Variants in SNX24 observed in about 807,000 individuals in gnomAD.
SNX24 encodes the protein sorting nexin 24.
SNX24 carries 22 observed loss-of-function variants against 28.7 expected under a neutral mutation model. The ratio of observed to expected loss-of-function variants is 0.77; its 90% CI spans 0.55 to 1.10. The LOEUF (loss-of-function observed/expected upper bound fraction) is 1.10, where lower values mean the gene tolerates loss of function less well. Among genes scored for constraint, SNX24 ranks in the 50% least tolerant of loss-of-function variants. The pLI is 0.00. For missense variants in SNX24, 221 were observed against 201.1 expected (o/e 1.10, Z -0.60); for synonymous variants, 69 against 71.5 (o/e 0.96, Z 0.18).
intron 1 of SNX24, among the ~76,000 whole-genome samples, chr5:122,920,191 G>C (rs1758372574): frequency 6.6e-6 from 1 of 152,190 alleles, no homozygotes; most frequent in African/African-American, 2.4e-5. Flanking sequence ...TGAGCAGAGG[G>C]CATGTGGTGA....
At chr5:122,878,969 T>A (rs544278692) in intron 1 of SNX24, among the ~76,000 whole-genome samples, 48 of 150,864 alleles carry the variant, frequency 3.2e-4, no homozygotes, top group Middle Eastern at 3.4e-3. Flanking sequence ...AAAAAAAAAT[T>A]AAAAATTAAA....
chr5:122,935,222 A>G (rs1554074046), intron 1 of SNX24, among the ~76,000 whole-genome samples: 1 of 152,174 alleles, frequency 6.6e-6, no homozygotes, highest in Non-Finnish European at 1.5e-5. Context: ...GACTGATAGT[A>G]AAAAAGGGGC....
intron 2 of SNX24, among the ~76,000 whole-genome samples, chr5:122,938,454 A>G (rs1479759879): frequency 6.6e-6 from 1 of 152,232 alleles, no homozygotes; most frequent in Non-Finnish European, 1.5e-5. Context: ...AATTTTGAAT[A>G]TTGTTGGCAG....
At chr5:123,018,114 C>T (rs1023458751) in intron 5 of SNX24, among the ~76,000 whole-genome samples, 9 of 151,818 alleles carry the variant, frequency 5.9e-5, no homozygotes, top group African/African-American at 2.2e-4. Flanking sequence ...GATGGCTTCC[C>T]AAAAGAGCCC....
At chr5:122,855,061 AT>A (rs1394441801) in intron 1 of SNX24, among the ~76,000 whole-genome samples, 4 of 151,044 alleles carry the variant, frequency 2.6e-5, no homozygotes, top group African/African-American at 4.9e-5. Context: ...GGCTGTGCCA[AT>A]TTCTTTTCCT....
intron 3 of SNX24, among the ~76,000 whole-genome samples, chr5:122,995,560 C>G (rs187416804): frequency 4.3e-4 from 65 of 152,290 alleles, no homozygotes; most frequent in African/African-American, 1.5e-3. Context: ...ACACTTCTTG[C>G]AGACCTACAA....
chr5:122,872,578 T>C (rs1756031830), intron 1 of SNX24, among the ~76,000 whole-genome samples: 1 of 152,192 alleles, frequency 6.6e-6, no homozygotes, highest in African/African-American at 2.4e-5. Flanking sequence ...TATTTGCATA[T>C]AAACTATGCA....
At position 122,909,361 on chromosome 5, in the gene SNX24, A is replaced by G. The variant is rs377244816; in HGVS notation, c.61-27373A>G. On this transcript the variant is annotated intron_variant, in intron 1 of 6. Coordinates refer to ENST00000261369, the MANE Select transcript of SNX24 (RefSeq NM_014035.4). ...AATGTTAACTTAAGTCCTCACGGAGAAAGTGTTACTGTCTTTATTTAACAG... is the reference window on the plus strand; with the variant it reads ...AATGTTAACTTAAGTCCTCACGGAGGAAGTGTTACTGTCTTTATTTAACAG... Among the ~76,000 whole-genome samples the G allele has an allele frequency of 1.2e-4, 19 of 152,332 alleles. 1 individual carries two copies. The highest frequency in any genetic ancestry group is 4.1e-4 in the African/African-American group (17 of 41,570).
chr5:123,026,718 A>G (rs1762860327), intron 5 of SNX24, among the ~76,000 whole-genome samples: 1 of 152,202 alleles, frequency 6.6e-6, no homozygotes, highest in South Asian at 2.1e-4. Flanking sequence ...CAGGAGAACC[A>G]AAGCAAGGCA....
chr5:122,848,189 G>GA (rs1265944788), intron 1 of SNX24, among the ~76,000 whole-genome samples: 1 of 152,240 alleles, frequency 6.6e-6, no homozygotes, highest in Non-Finnish European at 1.5e-5. Flanking sequence ...AGCAGCCTTG[G>GA]ACTCTTGGGC....
chr5:123,012,496 G>C (rs961153892), downstream of SNX24, among the ~76,000 whole-genome samples: 1 of 152,208 alleles, frequency 6.6e-6, no homozygotes, highest in African/African-American at 2.4e-5. Context: ...GGTTGACAGA[G>C]GCTGGGGGAA....
intron 1 of SNX24, among the ~76,000 whole-genome samples, chr5:122,854,564 A>C: frequency 6.6e-6 from 1 of 152,248 alleles, no homozygotes; most frequent in East Asian, 1.9e-4. Flanking sequence ...TGTAAAAAAA[A>C]AATCTTATGG....
At chr5:123,003,364 A>T (rs1000653761) in intron 6 of SNX24, among the ~76,000 whole-genome samples, 2 of 152,192 alleles carry the variant, frequency 1.3e-5, no homozygotes, top group African/African-American at 4.8e-5. Flanking sequence ...TTTGCTTCTT[A>T]TGTTTAACAA....
intron 1 of SNX24, among the ~76,000 whole-genome samples, chr5:122,899,265 A>C (rs1295292187): frequency 1.3e-5 from 2 of 152,144 alleles, no homozygotes; most frequent in East Asian, 3.9e-4. Context: ...AGATGTTCTA[A>C]GGGGAGGGTT....
At chr5:122,951,522 G>A (rs1437511049) in intron 3 of SNX24, among the ~76,000 whole-genome samples, 3 of 152,138 alleles carry the variant, frequency 2.0e-5, no homozygotes, top group African/African-American at 7.2e-5. Flanking sequence ...AATAATTTCA[G>A]TTTCCCAAAT....
chr5:122,845,733 G>C, intron 1 of SNX24, 40 bp downstream of exon 1: 1 of 1,262,602 alleles, frequency 7.9e-7, no homozygotes, highest in Non-Finnish European at 1.0e-6. Flanking sequence ...CCGCGAGCCA[G>C]GCCTGCGGCT....
chr5:123,028,698 A>G lies in SNX24; in HGVS notation n.384-540A>G, dbSNP rs1762898297. On this transcript the variant is annotated intron_variant and non_coding_transcript_variant, in intron 5 of 5. Coordinates refer to the SNX24 transcript ENST00000502387. ...CTGTGTTCCTTAGCTCTGGATTTCA[A>G]CAGACTGGGTTCATATACTGGCTTA... 4 of 1,194,450 alleles carry G rather than the reference A, an allele frequency of 3.3e-6. No individual in the cohort carries two copies. In the South Asian group the frequency reaches 4.3e-5, roughly 13 times the overall value. The allele number at this position is 1,194,450 out of a possible 1,614,324, so 74.0% of individuals were successfully genotyped here. A position where few individuals can be genotyped will look rare whatever the true frequency, so the allele number is the denominator to read the frequency against.
chr5:122,850,699 G>T (rs1376900331), intron 1 of SNX24, among the ~76,000 whole-genome samples: 2 of 151,552 alleles, frequency 1.3e-5, no homozygotes, highest in African/African-American at 4.9e-5. Context: ...TGAGTTTTTG[G>T]TGATGGGTAT....
At chr5:122,935,575 A>C (rs1023447885) in intron 1 of SNX24, among the ~76,000 whole-genome samples, 4 of 152,228 alleles carry the variant, frequency 2.6e-5, no homozygotes, top group African/African-American at 9.6e-5. Flanking sequence ...ATGCAGCAGA[A>C]GATTTTGTTT....
Sources: allele counts gnomAD v4.1 joint callset (sites outside exome capture counted in the v4.1 genomes callset), GRCh38; gene constraint gnomAD v4.1.1; transcripts MANE v1.5; gene names NCBI Gene and HGNC (gene_info 2026-07-23, HGNC 2026-07-21).